The following CACNA1G variants were observed in gnomAD, a reference collection of about 807,000 sequenced individuals.
CACNA1G encodes the protein calcium voltage-gated channel subunit alpha1 G.
CACNA1G carries 67 observed loss-of-function variants against 219.4 expected under a neutral mutation model. The ratio of observed to expected loss-of-function variants is 0.31; its 90% CI spans 0.25 to 0.37. CACNA1G has a LOEUF of 0.37. CACNA1G is among the 10% of genes least tolerant of loss of function. The probability of loss-of-function intolerance (pLI) is 1.00; values close to 1 mark genes in which losing one functional copy is unlikely to be tolerated. For missense variants in CACNA1G, 2,380 were observed against 3,231.4 expected (o/e 0.74, Z 6.39); for synonymous variants, 1,296 against 1,345.3 (o/e 0.96, Z 0.80).
intron 4 of CACNA1G, among the ~76,000 whole-genome samples, chr17:50,570,645 G>A (rs116990918): frequency 0.012 from 1,743 of 150,716 alleles, 61 homozygotes; most frequent in Admixed American, 0.074. Context: ...CTGGGGCTCG[G>A]GGTGTGTTGG....
At chr17:50,601,322 G>A in intron 19 of CACNA1G, 148 bp downstream of exon 19, 1 of 970,368 alleles carries the variant, frequency 1.0e-6, no homozygotes, top group South Asian at 1.8e-5. Flanking sequence ...TCTCTCACCA[G>A]ATCCTGGTCC....
At chr17:50,619,864 G>A (rs773328324) in intron 34 of CACNA1G, 38 bp downstream of exon 34, 16 of 1,552,170 alleles carry the variant, frequency 1.0e-5, no homozygotes, top group Middle Eastern at 1.9e-4. Flanking sequence ...TCCCCTGACC[G>A]TGCTGGGCTG....
At chr17:50,615,296 G>A (rs1192419937) in intron 26 of CACNA1G, 65 bp from the exon 27 acceptor site, 3 of 1,411,002 alleles carry the variant, frequency 2.1e-6, no homozygotes, top group African/African-American at 2.9e-5. Flanking sequence ...GTGAGGGACT[G>A]GGGGTGGAGG....
chr17:50,625,965 G>C (rs1438774658), intron 37 of CACNA1G, 52 bp from the exon 38 acceptor site: 2 of 1,546,558 alleles, frequency 1.3e-6, no homozygotes, highest in East Asian at 4.5e-5. Context: ...AGGAGGGCTA[G>C]TCCATGCTGG....
At chr17:50,575,508 C>A (rs751667201) in intron 7 of CACNA1G, 35 bp from the exon 8 acceptor site, 1 of 1,564,990 alleles carries the variant, frequency 6.4e-7, no homozygotes, top group Non-Finnish European at 8.7e-7. Flanking sequence ...CACTTTTCTT[C>A]AGGACATTTC....
chr17:50,578,247 T>G lies in CACNA1G; in HGVS notation c.1984T>G (p.Cys662Gly). 6.2e-7 allele frequency: 1 copy of G among 1,609,772 alleles called. No individual in the cohort carries two copies. Among genetic ancestry groups the G allele is most frequent in the Admixed American group, 1.7e-5 (1 of 59,472 alleles). ...SPCLKADSGACGPDSCPYCAR... is the reference protein window; with the variant it reads ...SPCLKADSGAGGPDSCPYCAR... Reference sequence around the variant, plus strand: ...TTGCTTGAAAGCAGACAGTGGAGCCTGTGGTCCAGACAGCTGCCCCTACTG... The same window carrying G: ...TTGCTTGAAAGCAGACAGTGGAGCCGGTGGTCCAGACAGCTGCCCCTACTG... Residue 662 changes from cysteine to glycine, a missense_variant, in exon 9 of 38, where the codon TGT (cysteine) becomes GGT (glycine). By Grantham distance (159) the Cys-to-Gly change is radical (BLOSUM62 -3). This residue lies in a region of CACNA1G where 434 missense variants were observed against 417.3 expected (regional missense o/e 1.04). Transcript: ENST00000359106. The surrounding 1 kb of genome is among the most constrained non-coding windows in gnomAD (Gnocchi z 4.5).
At chr17:50,575,318 A>G (rs748260403) in intron 7 of CACNA1G, among the ~76,000 whole-genome samples, 1 of 152,162 alleles carries the variant, frequency 6.6e-6, no homozygotes, top group Non-Finnish European at 1.5e-5. Context: ...TAGCTGAGTG[A>G]TCTTGGGCAA....
At chr17:50,615,043 G>A (rs2050176948) in intron 26 of CACNA1G, among the ~76,000 whole-genome samples, 1 of 152,138 alleles carries the variant, frequency 6.6e-6, no homozygotes, top group Admixed American at 6.5e-5. Context: ...ACACTGAGTC[G>A]AGGGTGTTAT....
chr17:50,582,468 C>G (rs1394350014), intron 9 of CACNA1G, among the ~76,000 whole-genome samples: 1 of 152,096 alleles, frequency 6.6e-6, no homozygotes, highest in Non-Finnish European at 1.5e-5. Context: ...AGGTTTCTAC[C>G]TGGGGTGGGA....
At chr17:50,562,890 G>A (rs560902780) in intron 1 of CACNA1G, among the ~76,000 whole-genome samples, 1 of 152,218 alleles carries the variant, frequency 6.6e-6, no homozygotes, top group East Asian at 1.9e-4. Flanking sequence ...AGCGCCACTT[G>A]ACAGACGCCT....
intron 1 of CACNA1G, among the ~76,000 whole-genome samples, chr17:50,563,522 G>T (rs1597946920): frequency 6.6e-6 from 1 of 152,220 alleles, no homozygotes; most frequent in African/African-American, 2.4e-5. Context: ...GGTAGAGAGA[G>T]CTCTTCTCTC....
At chr17:50,565,383 G>GA (rs72310815) in intron 1 of CACNA1G, among the ~76,000 whole-genome samples, 34,878 of 75,504 alleles carry the variant, frequency 0.46, 5,234 homozygotes, top group African/African-American at 0.56. Context: ...CTTGTGGGGT[G>GA]GGGCGGGGGG....
At chr17:50,611,906 G>A (rs1199908197) in intron 26 of CACNA1G, among the ~76,000 whole-genome samples, 1 of 152,178 alleles carries the variant, frequency 6.6e-6, no homozygotes, top group Admixed American at 6.5e-5. Flanking sequence ...CTTCTGCTGT[G>A]CTCCTGAAGT....
Position 50,561,536 on chromosome 17 carries a change from C to A in CACNA1G, c.77C>A (p.Ser26Ter). The A allele has an allele frequency of 6.5e-7, 1 of 1,537,982 alleles. No individual in the cohort carries two copies. ...PRSFMRLNDL[S>*]GAGGRPGPGS... The stretch of plus-strand genomic sequence containing the variant: ...AGCTTCATGCGGCTCAACGACCTGT[C>A]GGGGGCCGGGGGCCGGCCGGGGCCG... Residue 26 changes from serine (S) to a stop codon, truncating the protein, a stop_gained, in exon 1 of 38, where the codon TCG becomes TAG. Transcript: ENST00000359106. LOFTEE classifies it high-confidence loss of function.
intron 10 of CACNA1G, 24 bp downstream of exon 10, chr17:50,590,646 C>T (rs373194053): frequency 2.5e-6 from 4 of 1,587,072 alleles, no homozygotes; most frequent in African/African-American, 1.5e-5. Context: ...CCGGCACTGA[C>T]TCTCAGTTGA....
At chr17:50,624,173 A>G (rs2053005651) in intron 36 of CACNA1G, 98 bp downstream of exon 36, 38 of 1,458,610 alleles carry the variant, frequency 2.6e-5, no homozygotes, top group Non-Finnish European at 3.5e-5. Flanking sequence ...TGAGGCAGCC[A>G]AAGAGGTATC....
chr17:50,614,407 G>A (rs564513930), intron 26 of CACNA1G, among the ~76,000 whole-genome samples: 6 of 152,122 alleles, frequency 3.9e-5, no homozygotes, highest in Non-Finnish European at 7.3e-5. Context: ...CTGTGGCTTC[G>A]TGGGAGACCA....
In CACNA1G at chr17:50,570,136, C is replaced by T. The variant is rs941109130; in HGVS notation, c.586+333C>T. ...GAGAGGCTGACAGGCAAGGAGTGGA[C>T]GCAAAGTGCTAATGGCCTTTTCTAG... On this transcript the variant is annotated intron_variant, in intron 4 of 37. Coordinates refer to ENST00000359106, the MANE Select transcript of CACNA1G (RefSeq NM_018896.5). Among the ~76,000 whole-genome samples the T allele has an allele frequency of 5.9e-5, 9 of 152,106 alleles. No individual in the cohort carries two copies. The South Asian group carries it at 6.2e-4, about 11-fold the overall frequency.
chr17:50,571,795 C>T lies in CACNA1G; in HGVS notation c.587-83C>T. 1 of 1,481,434 alleles carries T rather than the reference C, an allele frequency of 6.8e-7. No individual in the cohort carries two copies. The highest frequency in any genetic ancestry group is 1.8e-4 in the Middle Eastern group (1 of 5,554). 91.8% of individuals were successfully genotyped at this position (1,481,434 alleles called of 1,614,324 possible). On this transcript the variant is annotated intron_variant, in intron 4 of 37. Coordinates refer to ENST00000359106, the MANE Select transcript of CACNA1G (RefSeq NM_018896.5). This position sits in a 1 kb window ranked among gnomAD's most constrained non-coding sequence, Gnocchi z 4.3. The stretch of plus-strand genomic sequence containing the variant: ...CTCAGCCTCAGAGTCCCTGGTGGGG[C>T]CCCTCCGGGAGTGCTGCCGGGCCGT...
Sources: allele counts gnomAD v4.1 joint callset (sites outside exome capture counted in the v4.1 genomes callset), GRCh38; gene constraint gnomAD v4.1.1; regional missense constraint gnomAD v4.1.1; non-coding constraint Gnocchi (gnomAD v3.1); transcripts MANE v1.5; gene names NCBI Gene and HGNC (gene_info 2026-07-23, HGNC 2026-07-21).